The following KNDC1 variants were observed in gnomAD, a reference collection of about 807,000 sequenced individuals.
KNDC1 encodes kinase non-catalytic C-lobe domain containing 1.
KNDC1 carries 106 observed loss-of-function variants against 172.8 expected under a neutral mutation model. The observed-to-expected ratio is 0.61, with a 90% CI of 0.52 to 0.72. KNDC1 has a LOEUF of 0.72. KNDC1 is among the 30% of genes least tolerant of loss of function. KNDC1 has a pLI of 0.00. For missense variants in KNDC1, 2,325 were observed against 2,394.5 expected (o/e 0.97, Z 0.61); for synonymous variants, 1,083 against 1,062.2 (o/e 1.02, Z -0.38).
chr10:133,200,538 C>A, intron 16 of KNDC1, 78 bp downstream of exon 16: 1 of 1,140,414 alleles, frequency 8.8e-7, no homozygotes. Flanking sequence ...GGGGGCGCCC[C>A]AGGGTCCCAG....
chr10:133,214,761 C>T (rs1055493597), intron 26 of KNDC1, among the ~76,000 whole-genome samples: 1 of 152,246 alleles, frequency 6.6e-6, no homozygotes, highest in Non-Finnish European at 1.5e-5. Flanking sequence ...CCAGTCTCAG[C>T]CTCTTCTAGG....
Position 133,225,113 on chromosome 10 carries a change from G to A in KNDC1, c.*223G>A, listed in dbSNP as rs1204573770. The stretch of plus-strand genomic sequence containing the variant: ...CAGGACGGGCACAAGAGTCTTGGAG[G>A]TTTGCGTGTTTCTGCTAGAATTAAA... On this transcript the variant is annotated 3_prime_UTR_variant, in exon 30 of 30. Coordinates refer to ENST00000304613, the MANE Select transcript of KNDC1 (RefSeq NM_152643.8). 2 of 561,890 alleles carry A rather than the reference G, an allele frequency of 3.6e-6. No homozygotes were observed. The highest frequency in any genetic ancestry group is 6.4e-6 in the Non-Finnish European group (2 of 313,498). The allele number at this position is 561,890 out of a possible 1,614,324, so 34.8% of individuals were successfully genotyped here.
rs143494124 is a variant in KNDC1, at chr10:133,169,507, A to G, written c.360+1195A>G. On this transcript the variant is annotated intron_variant, in intron 3 of 29. Transcript: ENST00000304613. ...TGGGATGGCTTCCCGCACCCTGCTT[A>G]CTTTCACTCTGAAACAAGTGAGGCT... 4.6e-5 allele frequency among the ~76,000 whole-genome samples: 7 copies of G among 152,356 alleles called. No homozygotes were observed. The East Asian group carries it at 9.6e-4, about 21-fold the overall frequency.
intron 3 of KNDC1, among the ~76,000 whole-genome samples, chr10:133,181,834 CCA>C (rs369062586): frequency 0.025 from 3,405 of 138,806 alleles, 55 homozygotes; most frequent in Middle Eastern, 0.038. Context: ...CCAGGACCGT[CCA>C]CACACACACA....
chr10:133,210,552 AG>A (rs1273310367), intron 20 of KNDC1, 58 bp from the exon 21 acceptor site: 2 of 998,620 alleles, frequency 2.0e-6, no homozygotes, highest in Non-Finnish European at 3.2e-6. Flanking sequence ...ACCGAACACT[AG>A]CCGAGCCCTG....
At chr10:133,169,649 G>GGCCGTGAC (rs1853308852) in intron 3 of KNDC1, among the ~76,000 whole-genome samples, 1 of 152,192 alleles carries the variant, frequency 6.6e-6, no homozygotes, top group Non-Finnish European at 1.5e-5. Flanking sequence ...GTGGCCTGGT[G>GGCCGTGAC]GCCGTGACGC....
rs1465845670 is a variant in KNDC1, at chr10:133,160,259, GCCGCGCAGCCC to G, written c.-201_-191del. 2.7e-5 allele frequency among the ~76,000 whole-genome samples: 4 copies of G among 146,046 alleles called. No individual in the cohort carries two copies. Among genetic ancestry groups the G allele is most frequent in the Non-Finnish European group, 6.1e-5 (4 of 65,888 alleles). On this transcript the variant is annotated 5_prime_UTR_variant, in exon 1 of 30. Coordinates refer to ENST00000304613, the MANE Select transcript of KNDC1 (RefSeq NM_152643.8). ...TCCCTAGGCGCCGGGTCCGGACAGC[GCCGCGCAGCCC>G]CCGCGCACCCCGCGCCCCCCGCGCC...
chr10:133,216,278 C>T (rs995106965), intron 26 of KNDC1, among the ~76,000 whole-genome samples: 2 of 151,618 alleles, frequency 1.3e-5, no homozygotes, highest in Non-Finnish European at 2.9e-5. Flanking sequence ...AATGGGGGGT[C>T]GGTGGTTCCG....
intron 17 of KNDC1, among the ~76,000 whole-genome samples, chr10:133,204,369 T>C (rs1564894458): frequency 1.3e-5 from 2 of 152,366 alleles, no homozygotes; most frequent in East Asian, 1.9e-4. Context: ...CACTGCACTT[T>C]AGGCAGCCAC....
intron 21 of KNDC1, 29 bp from the exon 22 acceptor site, chr10:133,211,393 G>C: frequency 1.2e-6 from 2 of 1,603,184 alleles, no homozygotes; most frequent in Non-Finnish European, 8.5e-7. Context: ...CCACATCCTG[G>C]CAGCTCAGCA....
rs972564890 is a variant in KNDC1 at position 133,196,932 on chromosome 10, C to T, written c.1735-126C>T. The T allele has an allele frequency of 2.4e-5, 17 of 704,810 alleles. No individual in the cohort carries two copies. In the East Asian group the frequency reaches 3.0e-4, roughly 12 times the overall value. 43.7% of individuals were successfully genotyped at this position (704,810 alleles called of 1,614,324 possible). A position where few individuals can be genotyped will look rare whatever the true frequency, so the allele number is the denominator to read the frequency against. On this transcript the variant is annotated intron_variant, in intron 10 of 29. Coordinates refer to ENST00000304613, the MANE Select transcript of KNDC1 (RefSeq NM_152643.8). ...TTGTCCGGGGCCTGTAGTTGGGTGT[C>T]GGTGAGAACAAACAGGAAACCCTCC...
In KNDC1 at chr10:133,202,077, G is replaced by A. The variant is rs772524378; in HGVS notation, c.3387+179G>A. On this transcript the variant is annotated intron_variant, in intron 17 of 29. Transcript: ENST00000304613. ...GGTCAGGGCCCCCTCCCTGGGCTGA[G>A]CTCCACGTCTAGGGACAGGCTCGTC... 5.3e-6 allele frequency: 4 copies of A among 757,358 alleles called. No homozygotes were observed. The Admixed American group carries it at 8.0e-5, about 15-fold the overall frequency. 46.9% of individuals were successfully genotyped at this position (757,358 alleles called of 1,614,324 possible).
chr10:133,207,546 C>T (rs1845239242), intron 20 of KNDC1, among the ~76,000 whole-genome samples, 195 bp downstream of exon 20: 1 of 152,244 alleles, frequency 6.6e-6, no homozygotes, highest in South Asian at 2.1e-4. Context: ...GAGTGGCCTC[C>T]GCCGCCTGTG....
intron 17 of KNDC1, among the ~76,000 whole-genome samples, chr10:133,203,653 TG>T (rs1465710652): frequency 1.3e-5 from 2 of 152,220 alleles, no homozygotes; most frequent in Non-Finnish European, 2.9e-5. Context: ...CGTCTCCTGC[TG>T]TTAAAACAAG....
intron 5 of KNDC1, among the ~76,000 whole-genome samples, 171 bp downstream of exon 5, chr10:133,184,160 CTGCACACACACCTA>C (rs1436458212): frequency 3.4e-5 from 5 of 148,610 alleles, no homozygotes; most frequent in East Asian, 3.9e-4. Context: ...TGCACACACA[CTGCACACACACCTA>C]TGCACACACA....
At chr10:133,183,595 G>A (rs369546507) in intron 4 of KNDC1, 105 bp downstream of exon 4, 58 of 1,267,276 alleles carry the variant, frequency 4.6e-5, no homozygotes, top group Middle Eastern at 2.8e-4. Flanking sequence ...CCTGGGTTCC[G>A]CAACCACAGT....
intron 23 of KNDC1, among the ~76,000 whole-genome samples, chr10:133,212,390 G>A (rs530898162): frequency 2.6e-5 from 4 of 152,312 alleles, no homozygotes; most frequent in East Asian, 1.9e-4. Context: ...GCACCATCCC[G>A]GGTGCTCAGG....
chr10:133,178,384 A>G (rs1279163032), intron 3 of KNDC1, among the ~76,000 whole-genome samples: 1 of 152,138 alleles, frequency 6.6e-6, no homozygotes, highest in East Asian at 1.9e-4. Flanking sequence ...AACATACAGA[A>G]AAGAGAGTAA....
Position 133,225,069 on chromosome 10 carries a change from T to A in KNDC1, c.*179T>A, listed in dbSNP as rs555597996. 1.4e-4 allele frequency: 87 copies of A among 603,636 alleles called. 1 individual carries two copies. The East Asian group carries it at 2.4e-3, about 17-fold the overall frequency. The allele number at this position is 603,636 out of a possible 1,614,324, so 37.4% of individuals were successfully genotyped here. A position where few individuals can be genotyped will look rare whatever the true frequency, so the allele number is the denominator to read the frequency against. On this transcript the variant is annotated 3_prime_UTR_variant, in exon 30 of 30. Coordinates refer to ENST00000304613, the MANE Select transcript of KNDC1 (RefSeq NM_152643.8). ...CCCATGGGGACAGGCAGAGCTGGTC[T>A]CCTCCCAGCAGACGGAGCCAGGACG...
Sources: gnomAD v4.1 joint callset for allele counts (sites outside exome capture counted in the v4.1 genomes callset) on GRCh38, gnomAD v4.1.1 for gene constraint, MANE v1.5 for transcripts, NCBI Gene and HGNC (gene_info 2026-07-23, HGNC 2026-07-21) for gene names.